The following STPG2 variants were observed in gnomAD, a reference collection of about 807,000 sequenced individuals.
The protein encoded by STPG2 is sperm tail PG-rich repeat containing 2, also known as sperm-tail PG-rich repeat-containing protein 2.
In STPG2, 56 loss-of-function variants were observed where a neutral mutation model predicts 54.2. The observed-to-expected ratio is 1.03, with a 90% confidence interval of 0.83 to 1.29. The LOEUF is 1.29. Among genes scored for constraint, STPG2 ranks in the 50% most tolerant of loss-of-function variants. The probability of loss-of-function intolerance (pLI) is 0.00; values close to 1 mark genes in which losing one functional copy is unlikely to be tolerated. For missense variants in STPG2, 596 were observed against 544.9 expected (o/e 1.09, Z -0.93); for synonymous variants, 200 against 181.8 (o/e 1.10, Z -0.81).
chr4:97,865,631 C>T (rs1175830212), intron 8 of STPG2, among the ~76,000 whole-genome samples: 1 of 151,262 alleles, frequency 6.6e-6, no homozygotes, highest in African/African-American at 2.4e-5. Flanking sequence ...TATTCTCACT[C>T]ATAGGTGGGA....
At chr4:97,813,903 G>T (rs1468833913) in intron 9 of STPG2, among the ~76,000 whole-genome samples, 1 of 151,940 alleles carries the variant, frequency 6.6e-6, no homozygotes, top group Admixed American at 6.6e-5. Flanking sequence ...CTAAGGTTAG[G>T]TCATTCAAGT....
intron 8 of STPG2, among the ~76,000 whole-genome samples, chr4:97,864,599 T>C (rs1729689490): frequency 1.3e-5 from 2 of 152,014 alleles, no homozygotes; most frequent in Non-Finnish European, 2.9e-5. Context: ...AACTTTAAAG[T>C]TTATATGGAA....
intron 4 of STPG2, among the ~76,000 whole-genome samples, chr4:97,498,986 A>G (rs1474925301): frequency 6.6e-6 from 1 of 152,026 alleles, no homozygotes; most frequent in Non-Finnish European, 1.5e-5. Context: ...GCCAGTACTT[A>G]AGGAATGATG....
intron 8 of STPG2, among the ~76,000 whole-genome samples, chr4:97,848,930 G>C (rs1729058147): frequency 6.7e-6 from 1 of 150,124 alleles, no homozygotes; most frequent in Admixed American, 6.7e-5. Context: ...AAGTCAGGTA[G>C]TGTGATGCCT....
Position 97,981,264 on chromosome 4 carries a change from G to A in STPG2, c.667C>T (p.Arg223Ter), listed in dbSNP as rs201834612. Reference sequence around the variant, plus strand: ...TTCTTCAAAGACTTGAGAGCAGTTCGAGGTTCATTATATGTGCCAGGAGCC... The same window carrying A: ...TTCTTCAAAGACTTGAGAGCAGTTCAAGGTTCATTATATGTGCCAGGAGCC... ...TPAPGTYNEPRTALKSLKKTS... is the reference protein window; with the variant it reads ...TPAPGTYNEP The change falls in exon 6 of 11, where the codon CGA becomes TGA. Residue 223 changes from arginine to a stop codon, truncating the protein, a stop_gained. Transcript: ENST00000295268. LOFTEE classifies it high-confidence loss of function. The A allele has an allele frequency of 2.2e-5, 36 of 1,614,030 alleles. No homozygotes were observed. In the Admixed American group the frequency reaches 2.7e-4, roughly 12 times the overall value.
At position 97,648,688 on chromosome 4, in the gene STPG2, T is replaced by C. The variant is rs143468935; in HGVS notation, c.1320+64011A>G. On this transcript the variant is annotated intron_variant, in intron 10 of 10. Coordinates refer to ENST00000295268, the MANE Select transcript of STPG2 (RefSeq NM_174952.3). ...GGTTATGAGACAATGGGACTCATTT[T>C]CTCAAAATTAAGGGTAATAATGTCT... Among the ~76,000 whole-genome samples the C allele has an allele frequency of 1.4e-3, 219 of 152,270 alleles. 7 individuals carry two copies. The East Asian group carries it at 0.024, about 17-fold the overall frequency.
At chr4:97,563,159 A>G (rs146273242) in intron 10 of STPG2, among the ~76,000 whole-genome samples, 5,506 of 152,016 alleles carry the variant, frequency 0.036, 241 homozygotes, top group African/African-American at 0.11. Context: ...CTTCTTCCTG[A>G]TTTAGTCTTG....
chr4:97,740,381 G>T (rs1362094989), intron 9 of STPG2, among the ~76,000 whole-genome samples: 3 of 152,076 alleles, frequency 2.0e-5, no homozygotes, highest in African/African-American at 4.8e-5. Context: ...GGCAGGAGAA[G>T]AAATAAAGGG....
intron 10 of STPG2, among the ~76,000 whole-genome samples, chr4:97,623,719 T>C (rs1358009865): frequency 2.0e-5 from 3 of 152,178 alleles, no homozygotes; most frequent in African/African-American, 4.8e-5. Flanking sequence ...TGGTTTGCTG[T>C]GCTTATCAAC....
At chr4:97,859,004 A>G (rs944825348) in intron 8 of STPG2, among the ~76,000 whole-genome samples, 1 of 152,226 alleles carries the variant, frequency 6.6e-6, no homozygotes, top group African/African-American at 2.4e-5. Flanking sequence ...ACTAGTTTAC[A>G]TTCCCAACAG....
At chr4:97,769,263 G>GT (rs1378108601) in intron 9 of STPG2, among the ~76,000 whole-genome samples, 1 of 152,046 alleles carries the variant, frequency 6.6e-6, no homozygotes, top group Non-Finnish European at 1.5e-5. Flanking sequence ...ACACACTCAG[G>GT]TTAACCTAGT....
rs866749155 is a variant in STPG2, at chr4:97,712,800, TG to T, written c.1218del (p.Tyr406Ter). ...KVTDGPGPAAYNPVLRKSCPI... is the reference protein window; with the variant it reads ...KVTDGPGPAAXNPVLRKSCPI... ...GGGCAAGATTTCCTTAAAACAGGATTGTATGCTGCAGGACCTGAGAGACAAC... is the reference window on the plus strand; with the variant it reads ...GGGCAAGATTTCCTTAAAACAGGATTTATGCTGCAGGACCTGAGAGACAAC... On this transcript the variant is annotated frameshift_variant, in exon 10 of 11. Coordinates refer to ENST00000295268, the MANE Select transcript of STPG2 (RefSeq NM_174952.3). LOFTEE classifies it high-confidence loss of function. 2 of 1,604,692 alleles carry T rather than the reference TG, an allele frequency of 1.2e-6. No homozygotes were observed. The highest frequency in any genetic ancestry group is 1.7e-6 in the Non-Finnish European group (2 of 1,174,734).
At chr4:97,952,149 C>T (rs1034444543) in intron 7 of STPG2, among the ~76,000 whole-genome samples, 2 of 152,110 alleles carry the variant, frequency 1.3e-5, no homozygotes, top group Non-Finnish European at 2.9e-5. Flanking sequence ...TCAACCACAC[C>T]TGAACCTGAA....
intron 7 of STPG2, among the ~76,000 whole-genome samples, chr4:97,952,763 T>C (rs1322510038): frequency 6.6e-6 from 1 of 152,180 alleles, no homozygotes; most frequent in Non-Finnish European, 1.5e-5. Flanking sequence ...GTGGTAGTAA[T>C]GAACTGGTCA....
chr4:97,967,358 C>A (rs1560614254), intron 7 of STPG2, among the ~76,000 whole-genome samples: 1 of 152,072 alleles, frequency 6.6e-6, no homozygotes, highest in Non-Finnish European at 1.5e-5. Flanking sequence ...CACCCAGATT[C>A]ATAAAGCAAG....
At chr4:97,627,631 G>A (rs1734167586) in intron 10 of STPG2, among the ~76,000 whole-genome samples, 1 of 152,052 alleles carries the variant, frequency 6.6e-6, no homozygotes, top group Admixed American at 6.6e-5. Context: ...TTCCAAAAGT[G>A]GGTTTCCTTT....
intron 10 of STPG2, among the ~76,000 whole-genome samples, chr4:97,574,976 A>ATT (rs1374727118): frequency 6.6e-6 from 1 of 152,028 alleles, no homozygotes; most frequent in Non-Finnish European, 1.5e-5. Context: ...TCACACGGAA[A>ATT]TACAAAAGAT....
chr4:97,722,860 C>T (rs1472335035), intron 9 of STPG2, among the ~76,000 whole-genome samples: 2 of 145,362 alleles, frequency 1.4e-5, no homozygotes, highest in Non-Finnish European at 3.0e-5. Flanking sequence ...TGCAGTGGTG[C>T]GATCTCGGCT....
At chr4:97,752,938 A>G (rs924633073) in intron 9 of STPG2, among the ~76,000 whole-genome samples, 1 of 151,956 alleles carries the variant, frequency 6.6e-6, no homozygotes. Flanking sequence ...GATGTAAACT[A>G]TCTCAATTAT....
Sources: allele counts gnomAD v4.1 joint callset (sites outside exome capture counted in the v4.1 genomes callset), GRCh38; gene constraint gnomAD v4.1.1; transcripts MANE v1.5; gene names NCBI Gene and HGNC (gene_info 2026-07-23, HGNC 2026-07-21).